The following CCDC102B variants were observed in gnomAD, a reference collection of about 807,000 sequenced individuals.
CCDC102B encodes coiled-coil domain containing 102B, also known as coiled-coil domain-containing protein 102B.
In CCDC102B, 75 loss-of-function variants were observed where a neutral mutation model predicts 57.4. That is an observed-to-expected ratio of 1.31 (90% CI 1.08 to 1.58). The LOEUF (loss-of-function observed/expected upper bound fraction) is 1.58, where lower values mean the gene tolerates loss of function less well. Ranked by LOEUF, CCDC102B falls within the 40% of genes most tolerant of loss-of-function variation. The probability of loss-of-function intolerance (pLI) is 0.00; values close to 1 mark genes in which losing one functional copy is unlikely to be tolerated. For synonymous variants in CCDC102B, 206 were observed against 201.9 expected (o/e 1.02, Z -0.17); for missense variants, 636 against 582.6 (o/e 1.09, Z -0.94).
intron 2 of CCDC102B, among the ~76,000 whole-genome samples, chr18:68,735,697 T>A (rs9959894): frequency 0.016 from 2,454 of 152,116 alleles, 71 homozygotes; most frequent in African/African-American, 0.053. Flanking sequence ...TCTTACCAGG[T>A]GTCCTCATCA....
At chr18:68,808,574 T>C (rs944170180) in intron 1 of CCDC102B, among the ~76,000 whole-genome samples, 10 of 150,042 alleles carry the variant, frequency 6.7e-5, no homozygotes, top group African/African-American at 2.5e-4. Context: ...GCCTCCTGGG[T>C]TCACGCCATT....
rs114762982 is a variant in CCDC102B, at chr18:68,978,116, C to T, written c.1264-32818C>T. On this transcript the variant is annotated intron_variant, in intron 6 of 7. Transcript: ENST00000360242. ...ATTAAATGTTTAATAAATGTGTGCT[C>T]ATATTAATACTGTTGTTATAATCCT... 4.3e-3 allele frequency among the ~76,000 whole-genome samples: 657 copies of T among 152,106 alleles called. 7 individuals carry two copies. Among genetic ancestry groups the T allele is most frequent in the African/African-American group, 0.015 (632 of 41,522 alleles).
intron 2 of CCDC102B, among the ~76,000 whole-genome samples, chr18:68,778,823 A>C (rs1236791896): frequency 2.0e-5 from 3 of 150,904 alleles, no homozygotes; most frequent in Non-Finnish European, 4.4e-5. Flanking sequence ...AATAGTGATG[A>C]CTTCTGGTCA....
chr18:68,902,968 A>C (rs2040504208), intron 6 of CCDC102B, among the ~76,000 whole-genome samples: 1 of 152,192 alleles, frequency 6.6e-6, no homozygotes, highest in East Asian at 1.9e-4. Context: ...GTCTTCAAAA[A>C]CATTCATGAA....
In CCDC102B at chr18:69,010,943, A is replaced by G. The variant is rs777217399; in HGVS notation, c.1273A>G (p.Asn425Asp). ...DLQEKNQELL[N>D]LQHAYYKLNR... is the part of the protein sequence containing the mutation. ...TGTTTTCCTTTGAAAGGAATTACTG[A>G]ACCTTCAACATGCCTACTATAAACT... Residue 425 changes from asparagine to aspartate, a missense_variant, in exon 7 of 8, where the codon AAC becomes GAC. Transcript: ENST00000360242. The G allele has an allele frequency of 6.3e-7, 1 of 1,589,118 alleles. No homozygotes were observed. Among genetic ancestry groups the G allele is most frequent in the East Asian group, 2.2e-5 (1 of 44,680 alleles).
intron 2 of CCDC102B, among the ~76,000 whole-genome samples, chr18:68,740,834 T>C (rs533899991): frequency 3.9e-5 from 6 of 152,276 alleles, no homozygotes; most frequent in Admixed American, 2.6e-4. Context: ...ACTTATGAAA[T>C]ATTTAAGTAT....
chr18:68,883,942 T>G (rs1024240324), intron 5 of CCDC102B, among the ~76,000 whole-genome samples: 1 of 152,166 alleles, frequency 6.6e-6, no homozygotes, highest in Non-Finnish European at 1.5e-5. Flanking sequence ...ATCTAAAAAT[T>G]TCCTGTTATG....
chr18:69,031,929 T>A (rs1253664224), intron 7 of CCDC102B, among the ~76,000 whole-genome samples: 1 of 152,188 alleles, frequency 6.6e-6, no homozygotes, highest in African/African-American at 2.4e-5. Context: ...TTTTATAATT[T>A]TGGTCACATT....
intron 7 of CCDC102B, among the ~76,000 whole-genome samples, chr18:69,038,619 C>G (rs1035895773): frequency 6.6e-6 from 1 of 151,918 alleles, no homozygotes; most frequent in South Asian, 2.1e-4. Context: ...ATAATTTCCA[C>G]TAACTTTTTA....
At chr18:69,029,759 CCAGGAACACAAATCA>C (rs1393310870) in intron 7 of CCDC102B, among the ~76,000 whole-genome samples, 22 of 152,140 alleles carry the variant, frequency 1.4e-4, no homozygotes, top group African/African-American at 5.1e-4. Flanking sequence ...AAAGTTGGTT[CCAGGAACACAAATCA>C]CAGGCAATGA....
chr18:68,771,718 TG>T, intron 2 of CCDC102B, among the ~76,000 whole-genome samples: 1 of 152,298 alleles, frequency 6.6e-6, no homozygotes, highest in African/African-American at 2.4e-5. Flanking sequence ...AATTTTCAAC[TG>T]CAATGTGACT....
At chr18:69,037,503 A>G (rs763945529) in intron 7 of CCDC102B, among the ~76,000 whole-genome samples, 1 of 152,038 alleles carries the variant, frequency 6.6e-6, no homozygotes, top group Non-Finnish European at 1.5e-5. Context: ...TCCAAGGACA[A>G]GCAGCATCAG....
intron 6 of CCDC102B, among the ~76,000 whole-genome samples, chr18:68,938,905 A>G (rs1478915957): frequency 6.6e-6 from 1 of 151,706 alleles, no homozygotes; most frequent in Non-Finnish European, 1.5e-5. Flanking sequence ...CCAATAAAAT[A>G]TCAATTAAAT....
At chr18:68,889,790 C>A (rs535559881) in intron 5 of CCDC102B, among the ~76,000 whole-genome samples, 1 of 152,276 alleles carries the variant, frequency 6.6e-6, no homozygotes, top group Non-Finnish European at 1.5e-5. Flanking sequence ...TTATAGCAAC[C>A]TGTATGGACT....
intron 2 of CCDC102B, among the ~76,000 whole-genome samples, chr18:68,770,249 C>T (rs1021049550): frequency 8.5e-5 from 13 of 152,298 alleles, no homozygotes; most frequent in African/African-American, 3.1e-4. Flanking sequence ...TAAATCTCCA[C>T]TAGTTGATGC....
intron 7 of CCDC102B, among the ~76,000 whole-genome samples, chr18:69,014,978 A>AGAGAGTGTGTGTGTGTGTGTGTGTGT (rs139377520): frequency 1.8e-4 from 25 of 139,430 alleles, no homozygotes; most frequent in Admixed American, 4.4e-4. Context: ...AGAGAGAGAG[A>AGAGAGTGTGTGTGTGTGTGTGTGTGT]GTGTGTGTGT....
intron 6 of CCDC102B, among the ~76,000 whole-genome samples, chr18:68,913,767 T>G (rs541371340): frequency 2.6e-5 from 4 of 152,258 alleles, no homozygotes; most frequent in African/African-American, 9.6e-5. Flanking sequence ...GAAGCGTAAT[T>G]TTAAATCACT....
chr18:68,943,531 A>G (rs2049446117), intron 6 of CCDC102B, among the ~76,000 whole-genome samples: 3 of 152,156 alleles, frequency 2.0e-5, no homozygotes, highest in African/African-American at 4.8e-5. Flanking sequence ...TTGTAGCATC[A>G]TGATGTTAAT....
intron 2 of CCDC102B, among the ~76,000 whole-genome samples, chr18:68,720,405 G>C (rs991406085): frequency 1.3e-5 from 2 of 152,144 alleles, no homozygotes; most frequent in African/African-American, 4.8e-5. Context: ...TTGGGTTCTA[G>C]GATTGAGGCT....
Sources: gnomAD v4.1 joint callset for allele counts (sites outside exome capture counted in the v4.1 genomes callset) on GRCh38, gnomAD v4.1.1 for gene constraint, MANE v1.5 for transcripts, NCBI Gene and HGNC (gene_info 2026-07-23, HGNC 2026-07-21) for gene names.